The following WDR7 variants were observed in gnomAD, a reference collection of about 807,000 sequenced individuals.
WDR7 encodes WD repeat-containing protein 7.
In WDR7, 46 loss-of-function variants were observed where a neutral mutation model predicts 169.4. That is an observed-to-expected ratio of 0.27 (90% CI 0.21 to 0.35). WDR7 has a LOEUF of 0.35. Among genes scored for constraint, WDR7 ranks in the 10% least tolerant of loss-of-function variants. The probability of loss-of-function intolerance (pLI) is 1.00; values close to 1 mark genes in which losing one functional copy is unlikely to be tolerated. For missense variants in WDR7, 1,534 were observed against 1,859.3 expected (o/e 0.83, Z 3.22); for synonymous variants, 612 against 666.8 (o/e 0.92, Z 1.27).
intron 20 of WDR7, among the ~76,000 whole-genome samples, chr18:56,853,646 A>G (rs2045674279): frequency 6.6e-6 from 1 of 152,156 alleles, no homozygotes; most frequent in African/African-American, 2.4e-5. Context: ...GTCTTGTTAC[A>G]TTCCCTGTCT....
intron 21 of WDR7, among the ~76,000 whole-genome samples, chr18:56,901,956 G>A (rs28585382): frequency 0.055 from 8,333 of 152,086 alleles, 314 homozygotes; most frequent in East Asian, 0.11. Context: ...TTTGAAGGGC[G>A]AATACTACTA....
chr18:56,912,071 G>T (rs915274033), intron 21 of WDR7, among the ~76,000 whole-genome samples: 2 of 152,164 alleles, frequency 1.3e-5, no homozygotes, highest in Non-Finnish European at 2.9e-5. Context: ...CCCCCTTCAC[G>T]GATGTTTAAT....
chr18:56,801,643 A>G (rs2044674433), intron 19 of WDR7, among the ~76,000 whole-genome samples: 1 of 152,072 alleles, frequency 6.6e-6, no homozygotes, highest in African/African-American at 2.4e-5. Context: ...GCAATCACTC[A>G]TCTGTTTTCC....
chr18:57,010,438 T>C, intron 26 of WDR7: 1 of 334,976 alleles, frequency 3.0e-6, no homozygotes, highest in Non-Finnish European at 4.2e-6. Context: ...TATTTTTAAA[T>C]GTTAAATTAT....
chr18:56,956,574 G>A lies in WDR7; in HGVS notation c.4065-5856G>A, dbSNP rs114567329. On this transcript the variant is annotated intron_variant, in intron 25 of 27. Coordinates refer to ENST00000254442, the MANE Select transcript of WDR7 (RefSeq NM_015285.3). Reference sequence around the variant, plus strand: ...TCTAGCCAAGGAGGTTGAGGTAGTTGGTTGTCACTGGTACCTTCTTGGGGT... The same window carrying A: ...TCTAGCCAAGGAGGTTGAGGTAGTTAGTTGTCACTGGTACCTTCTTGGGGT... Among the ~76,000 whole-genome samples, 1,131 of 152,214 alleles carry A rather than the reference G, an allele frequency of 7.4e-3. 16 individuals carry two copies. Among genetic ancestry groups the A allele is most frequent in the African/African-American group, 0.024 (1,004 of 41,544 alleles).
chr18:56,974,158 C>T (rs919822008), intron 26 of WDR7, among the ~76,000 whole-genome samples: 12 of 152,066 alleles, frequency 7.9e-5, no homozygotes, highest in African/African-American at 2.9e-4. Context: ...TTTTTCCCAT[C>T]TTTTACAGTT....
chr18:56,974,644 G>A (rs2047540347), intron 26 of WDR7, among the ~76,000 whole-genome samples: 1 of 152,180 alleles, frequency 6.6e-6, no homozygotes, highest in Non-Finnish European at 1.5e-5. Flanking sequence ...GTTAGGATAT[G>A]TGACAGAGGG....
At chr18:56,709,880 C>T (rs2026043709) in intron 12 of WDR7, among the ~76,000 whole-genome samples, 1 of 151,754 alleles carries the variant, frequency 6.6e-6, no homozygotes, top group Non-Finnish European at 1.5e-5. Context: ...GTATAGTTTT[C>T]ATTCCACCTT....
chr18:56,734,683 T>C (rs1048525859), intron 14 of WDR7, among the ~76,000 whole-genome samples: 4 of 152,114 alleles, frequency 2.6e-5, no homozygotes, highest in Admixed American at 1.3e-4. Context: ...CAGAGTTAGT[T>C]CTTACATTCT....
At position 56,860,838 on chromosome 18, in the gene WDR7, CT is replaced by C. The variant is rs541449673; in HGVS notation, c.3305-19097del. On this transcript the variant is annotated intron_variant, in intron 20 of 27. Coordinates refer to ENST00000254442, the MANE Select transcript of WDR7 (RefSeq NM_015285.3). ...CAATTTTATAATTCTTTTTCTGCCT[CT>C]TTTTTTTTCATGAACATTTACAATA... is the stretch of plus-strand genomic sequence containing the variant. Among the ~76,000 whole-genome samples, 519 of 149,678 alleles carry C rather than the reference CT, an allele frequency of 3.5e-3. 1 individual carries two copies. The highest frequency in any genetic ancestry group is 5.9e-3 in the African/African-American group (240 of 40,756).
chr18:56,837,698 C>T (rs764288287), intron 20 of WDR7, among the ~76,000 whole-genome samples: 12 of 152,050 alleles, frequency 7.9e-5, no homozygotes, highest in Admixed American at 2.0e-4. Context: ...TCGCTTTTGT[C>T]GCCCAGGTTG....
Position 56,782,610 on chromosome 18 carries a change from G to A in WDR7, c.3190+954G>A, listed in dbSNP as rs2044335684. ...CTTTTTATTATGAAAATTTGGCCTG[G>A]GTTTTAGGTGGACTCATTTTAAATG... On this transcript the variant is annotated intron_variant, in intron 19 of 27. Transcript: ENST00000254442. 2.0e-5 allele frequency among the ~76,000 whole-genome samples: 3 copies of A among 152,020 alleles called. No individual in the cohort carries two copies. The South Asian group carries it at 6.2e-4, about 32-fold the overall frequency.
At position 57,007,268 on chromosome 18, in the gene WDR7, C is replaced by T. The variant is rs147328170; in HGVS notation, c.4165-13477C>T. 2.0e-4 allele frequency among the ~76,000 whole-genome samples: 30 copies of T among 152,222 alleles called. 1 individual carries two copies. The highest frequency in any genetic ancestry group is 6.8e-3 in the Middle Eastern group (2 of 294). ...TGCTGGGATTACAGGCGTGAGCCAC[C>T]GCTCCCGGCCTCCTAATGTTTAATA... On this transcript the variant is annotated intron_variant, in intron 26 of 27. Transcript: ENST00000254442.
chr18:56,753,786 AG>A (rs2043830444), intron 14 of WDR7, among the ~76,000 whole-genome samples: 1 of 152,032 alleles, frequency 6.6e-6, no homozygotes, highest in Admixed American at 6.6e-5. Flanking sequence ...TTTATATGTG[AG>A]GGGCCATAGT....
chr18:56,893,205 C>G (rs1402707868), intron 21 of WDR7, among the ~76,000 whole-genome samples: 1 of 147,444 alleles, frequency 6.8e-6, no homozygotes, highest in Non-Finnish European at 1.5e-5. Context: ...TTTTTTTTTT[C>G]TGCATTAGGA....
intron 23 of WDR7, among the ~76,000 whole-genome samples, chr18:56,936,964 A>G (rs1324710703): frequency 6.6e-6 from 1 of 152,054 alleles, no homozygotes; most frequent in African/African-American, 2.4e-5. Flanking sequence ...ATAAATGGCC[A>G]ATTTTATTAG....
intron 20 of WDR7, among the ~76,000 whole-genome samples, chr18:56,828,480 A>G (rs949177249): frequency 1.3e-5 from 2 of 152,204 alleles, no homozygotes; most frequent in African/African-American, 4.8e-5. Context: ...CATTTAGTTG[A>G]CAGTCATTAC....
chr18:57,029,811 A>G (rs1568322390), downstream of WDR7: 1 of 152,210 alleles, frequency 6.6e-6, no homozygotes, highest in Admixed American at 6.5e-5. Flanking sequence ...TTCTCACAAT[A>G]TTACCTTTTC....
intron 19 of WDR7, among the ~76,000 whole-genome samples, chr18:56,812,078 A>T (rs2044878653): frequency 6.6e-6 from 1 of 152,154 alleles, no homozygotes; most frequent in African/African-American, 2.4e-5. Context: ...TCCTGTTTTG[A>T]ATCTTCCGAT....
Sources: gnomAD v4.1 joint callset for allele counts (sites outside exome capture counted in the v4.1 genomes callset) on GRCh38, gnomAD v4.1.1 for gene constraint, MANE v1.5 for transcripts, NCBI Gene and HGNC (gene_info 2026-07-23, HGNC 2026-07-21) for gene names.